Variants in BSN observed in about 807,000 individuals in gnomAD.
BSN encodes the protein bassoon presynaptic cytomatrix protein, also known as protein bassoon.
Under a neutral mutation model 264.8 loss-of-function variants are expected in BSN, and 57 were observed. The observed-to-expected ratio is 0.22, with a 90% confidence interval of 0.17 to 0.27. The LOEUF (loss-of-function observed/expected upper bound fraction) is 0.27, where lower values mean the gene tolerates loss of function less well. BSN is among the 10% of genes least tolerant of loss of function. The pLI is 1.00. For synonymous variants in BSN, 2,059 were observed against 2,137.3 expected, an observed-to-expected ratio of 0.96 and a Z score of 1.01; for missense variants, 4,615 against 5,232.5, an observed-to-expected ratio of 0.88 and a Z score of 3.64.
Position 49,656,218 on chromosome 3 carries a change from GTGGTGGCAT to G in BSN, c.6663_6671del (p.Gly2222_Met2224del). The G allele has an allele frequency of 6.2e-7, 1 of 1,610,408 alleles. No individual in the cohort carries two copies. The highest frequency in any genetic ancestry group is 8.5e-7 in the Non-Finnish European group (1 of 1,178,320). On this transcript the variant is annotated inframe_deletion, in exon 5 of 12. Coordinates refer to ENST00000296452, the MANE Select transcript of BSN (RefSeq NM_003458.4). ...GCCTCAGTCCTGCGGCCCATGGTGCGTGGTGGCATGTACAGGCCTTACGCATCTGGTGGA... is the reference window on the plus strand; with the variant it reads ...GCCTCAGTCCTGCGGCCCATGGTGCGGTACAGGCCTTACGCATCTGGTGGA...
intron 1 of BSN, among the ~76,000 whole-genome samples, chr3:49,570,060 C>T (rs1421588576): frequency 1.4e-4 from 22 of 152,180 alleles, no homozygotes; most frequent in Admixed American, 1.4e-3. Flanking sequence ...GATCAGGATG[C>T]AGGCTGTAGC....
At chr3:49,617,726 C>T (rs1038368850) in intron 1 of BSN, among the ~76,000 whole-genome samples, 9 of 152,262 alleles carry the variant, frequency 5.9e-5, no homozygotes, top group East Asian at 5.8e-4. Flanking sequence ...AGGCCTTGGA[C>T]GGGTGTAGTC....
At chr3:49,613,481 T>TTTATTA (rs1305668686) in intron 1 of BSN, among the ~76,000 whole-genome samples, 1 of 151,066 alleles carries the variant, frequency 6.6e-6, no homozygotes, top group Admixed American at 6.6e-5. Context: ...TGTTCAAGTT[T>TTTATTA]TTATTATTAT....
In BSN at chr3:49,661,861, T is replaced by C. The variant is rs202095817; in HGVS notation, c.10016T>C (p.Met3339Thr). 2.2e-5 allele frequency: 36 copies of C among 1,613,532 alleles called. No individual in the cohort carries two copies. The Admixed American group carries it at 4.2e-4, about 19-fold the overall frequency. Residue 3339 changes from methionine (M) to threonine (T), a missense_variant, in exon 6 of 12, where the codon ATG becomes ACG. Coordinates refer to ENST00000296452, the MANE Select transcript of BSN (RefSeq NM_003458.4). ...GTAGAGAAGTATGGTCCAGGGCCCA[T>C]GGGGCCCAAGCATCCCTCCAAGAGC... is the stretch of plus-strand genomic sequence containing the variant. The part of the protein sequence containing the change: ...ARVEKYGPGP[M>T]GPKHPSKSLA...
At position 49,586,326 on chromosome 3, in the gene BSN, CTCTATCTA is replaced by C. The variant is rs59036596; in HGVS notation, c.224+31531_224+31538del. Among the ~76,000 whole-genome samples the C allele has an allele frequency of 2.3e-3, 346 of 149,614 alleles. 1 individual carries two copies. Among genetic ancestry groups the C allele is most frequent in the African/African-American group, 3.5e-3 (143 of 40,626 alleles). ...GCATATGGATATCCAGTTTTCCCAG[CTCTATCTA>C]TCTATCTATCTATCTATCTATCTAT... On this transcript the variant is annotated intron_variant, in intron 1 of 11. Transcript: ENST00000296452.
In BSN at chr3:49,658,209, G is replaced by C; in HGVS notation, c.8640+13G>C. 6.5e-7 allele frequency: 1 copy of C among 1,532,140 alleles called. No individual in the cohort carries two copies. The highest frequency in any genetic ancestry group is 1.4e-5 in the African/African-American group (1 of 72,714). The allele number at this position is 1,532,140 out of a possible 1,614,324, so 94.9% of individuals were successfully genotyped here. ...ACTGGGTAGCCAGGTATGGGAACAG[G>C]GGCTGTTCCAGGGTGGGACAGGGGT... On this transcript the variant is annotated intron_variant, in intron 5 of 11. Transcript: ENST00000296452.
At chr3:49,611,102 C>G (rs1207410522) in intron 1 of BSN, among the ~76,000 whole-genome samples, 1 of 152,180 alleles carries the variant, frequency 6.6e-6, no homozygotes, top group African/African-American at 2.4e-5. Flanking sequence ...GGTCAAAGTC[C>G]TGGCTTCTGC....
At chr3:49,564,806 C>G (rs989141751) in intron 1 of BSN, among the ~76,000 whole-genome samples, 1 of 152,190 alleles carries the variant, frequency 6.6e-6, no homozygotes, top group Non-Finnish European at 1.5e-5. Flanking sequence ...CCACCCCTTG[C>G]ACCCTAGCCA....
At chr3:49,569,006 A>G (rs2051775139) in intron 1 of BSN, among the ~76,000 whole-genome samples, 1 of 152,154 alleles carries the variant, frequency 6.6e-6, no homozygotes, top group Non-Finnish European at 1.5e-5. Context: ...CAACTTCTGA[A>G]TATATTCTGG....
intron 1 of BSN, among the ~76,000 whole-genome samples, chr3:49,555,158 G>A (rs1286541101): frequency 6.6e-6 from 1 of 152,224 alleles, no homozygotes; most frequent in Non-Finnish European, 1.5e-5. Flanking sequence ...CCGCACAGGA[G>A]AGCAATGGGA....
At chr3:49,572,890 G>A (rs1450328828) in intron 1 of BSN, among the ~76,000 whole-genome samples, 1 of 152,170 alleles carries the variant, frequency 6.6e-6, no homozygotes, top group African/African-American at 2.4e-5. Context: ...AAGAAAGGAG[G>A]AAGGCCGGTG....
chr3:49,664,485 G>T lies in BSN; in HGVS notation c.11671G>T (p.Asp3891Tyr), dbSNP rs760457608. The T allele has an allele frequency of 1.9e-6, 3 of 1,612,998 alleles. No homozygotes were observed. The highest frequency in any genetic ancestry group is 2.7e-5 in the African/African-American group (2 of 74,904). Residue 3891 changes from aspartate to tyrosine, a missense_variant, in exon 9 of 12, where the codon GAT (aspartate) becomes TAT (tyrosine). Transcript: ENST00000296452. Reference sequence around the variant, plus strand: ...GGCTCCCGCCGGCCAGCCAGGTGCCGATGGGGAGAGCGTGTTCTCCAAGAT... The same window carrying T: ...GGCTCCCGCCGGCCAGCCAGGTGCCTATGGGGAGAGCGTGTTCTCCAAGAT... ...PGAPAGQPGADGESVFSKILP... is the reference protein window; with the variant it reads ...PGAPAGQPGAYGESVFSKILP...
At chr3:49,582,995 G>T (rs1416967292) in intron 1 of BSN, among the ~76,000 whole-genome samples, 1 of 131,146 alleles carries the variant, frequency 7.6e-6, no homozygotes, top group Non-Finnish European at 1.6e-5. Context: ...ATGAGACAGG[G>T]TCTTGCTCTG....
intron 1 of BSN, among the ~76,000 whole-genome samples, chr3:49,579,933 A>G (rs1219483522): frequency 6.6e-6 from 1 of 152,132 alleles, no homozygotes; most frequent in Non-Finnish European, 1.5e-5. Context: ...CCATAATTGC[A>G]TGTCTGAGAA....
intron 1 of BSN, among the ~76,000 whole-genome samples, chr3:49,597,579 C>T (rs947040841): frequency 6.6e-6 from 1 of 152,152 alleles, no homozygotes; most frequent in Non-Finnish European, 1.5e-5. Context: ...GATCCTCCTG[C>T]GTTGGCCTCT....
chr3:49,597,648 T>TTTC (rs1056250993), intron 1 of BSN, among the ~76,000 whole-genome samples: 6 of 152,102 alleles, frequency 3.9e-5, no homozygotes, highest in Non-Finnish European at 8.8e-5. Context: ...GTACTTTTTT[T>TTTC]TTCTTCTTCT....
intron 1 of BSN, among the ~76,000 whole-genome samples, chr3:49,583,257 C>G (rs2108017354): frequency 6.6e-6 from 1 of 152,250 alleles, no homozygotes; most frequent in African/African-American, 2.4e-5. Flanking sequence ...GTGTGAGCCA[C>G]TGTGTCTGGA....
chr3:49,652,913 C>A lies in BSN; in HGVS notation c.3357C>A (p.His1119Gln). Residue 1119 changes from histidine (H) to glutamine (Q), a missense_variant, in exon 5 of 12, where the codon CAC becomes CAA. This residue lies in a region of BSN where 3,415 missense variants were observed against 3,866.4 expected (regional missense o/e 0.88). Coordinates refer to ENST00000296452, the MANE Select transcript of BSN (RefSeq NM_003458.4). The stretch of plus-strand genomic sequence containing the variant: ...AGGCGGCCGAGATGGAGGAGCTACA[C>A]CGCTCCTCCTGCTCTGAGTACTCAC... ...LRQAAEMEELHRSSCSEYSPS... is the reference protein window; with the variant it reads ...LRQAAEMEELQRSSCSEYSPS... The A allele has an allele frequency of 6.2e-7, 1 of 1,610,332 alleles. No individual in the cohort carries two copies. Among genetic ancestry groups the A allele is most frequent in the Non-Finnish European group, 8.5e-7 (1 of 1,177,778 alleles).
rs926478516 is a variant in BSN, at chr3:49,651,005, G to C, written c.1912G>C (p.Gly638Arg). Residue 638 changes from glycine (G) to arginine (R), a missense_variant, in exon 4 of 12, where the codon GGG (glycine) becomes CGG (arginine). Transcript: ENST00000296452. This position sits in a 1 kb window ranked among gnomAD's most constrained non-coding sequence, Gnocchi z 5.4. Reference sequence around the variant, plus strand: ...CCCTGCGACTCCTAAAGTAAAGAGTGGGGTGAGGAGGGCTGAACCTGCCAC... The same window carrying C: ...CCCTGCGACTCCTAAAGTAAAGAGTCGGGTGAGGAGGGCTGAACCTGCCAC... ...PTPATPKVKSGVRRAEPATPV... is the reference protein window; with the variant it reads ...PTPATPKVKSRVRRAEPATPV... 3 of 1,613,842 alleles carry C rather than the reference G, an allele frequency of 1.9e-6. No homozygotes were observed. The highest frequency in any genetic ancestry group is 2.7e-5 in the African/African-American group (2 of 74,916).
Sources: gnomAD v4.1 joint callset for allele counts (sites outside exome capture counted in the v4.1 genomes callset) on GRCh38, gnomAD v4.1.1 for gene constraint, gnomAD v4.1.1 regional missense constraint, Gnocchi (gnomAD v3.1) non-coding constraint, MANE v1.5 for transcripts, NCBI Gene and HGNC (gene_info 2026-07-23, HGNC 2026-07-21) for gene names.